MYO3B: variants seen among roughly 807,000 people sequenced by gnomAD.
MYO3B encodes myosin IIIB.
In MYO3B, 156 loss-of-function variants were observed where a neutral mutation model predicts 174.6. The observed-to-expected ratio is 0.89, with a 90% CI of 0.78 to 1.02. MYO3B has a LOEUF of 1.02. MYO3B is among the 50% of genes least tolerant of loss of function. The pLI is 0.00. For synonymous variants in MYO3B, 563 were observed against 569.1 expected (o/e 0.99, Z 0.15); for missense variants, 1,632 against 1,639.4 (o/e 1.00, Z 0.08).
chr2:170,392,478 A>G lies in MYO3B; in HGVS notation c.1774A>G (p.Ile592Val). ...FEAIQHCFRI[I>V]GFTDKEVHSV... ...AGCAATTCAGCATTGCTTCAGGATT[A>G]TAGGGTTCACGGACAAAGTAAGTGA... Residue 592 changes from isoleucine to valine, a missense_variant, in exon 16 of 35, where the codon ATA becomes GTA. Coordinates refer to ENST00000408978, the MANE Select transcript of MYO3B (RefSeq NM_138995.5). 3 of 1,576,240 alleles carry G rather than the reference A, an allele frequency of 1.9e-6. No homozygotes were observed. The highest frequency in any genetic ancestry group is 2.6e-6 in the Non-Finnish European group (3 of 1,155,238).
At chr2:170,538,255 A>G (rs905705958) in intron 30 of MYO3B, among the ~76,000 whole-genome samples, 5 of 152,238 alleles carry the variant, frequency 3.3e-5, no homozygotes, top group Non-Finnish European at 5.9e-5. Context: ...TCCAGAGTGT[A>G]TCAACCAACT....
chr2:170,427,458 T>A (rs1047016536), intron 22 of MYO3B, among the ~76,000 whole-genome samples: 3 of 152,208 alleles, frequency 2.0e-5, no homozygotes, highest in African/African-American at 7.2e-5. Context: ...CCATGAAACA[T>A]ATAAATTTCA....
intron 32 of MYO3B, among the ~76,000 whole-genome samples, chr2:170,618,316 T>C (rs1262612981): frequency 6.6e-6 from 1 of 152,154 alleles, no homozygotes; most frequent in South Asian, 2.1e-4. Context: ...TAACAGTCTG[T>C]GGCGTAACAG....
intron 8 of MYO3B, among the ~76,000 whole-genome samples, chr2:170,339,047 T>C (rs1407055399): frequency 2.6e-5 from 4 of 152,210 alleles, no homozygotes; most frequent in Admixed American, 2.0e-4. Context: ...ATTCACTGGG[T>C]TTGAAATGTC....
intron 9 of MYO3B, among the ~76,000 whole-genome samples, chr2:170,372,942 G>A: frequency 6.6e-6 from 1 of 152,130 alleles, no homozygotes; most frequent in Non-Finnish European, 1.5e-5. Flanking sequence ...GCTGGAGCTT[G>A]GCATGGGGTA....
At chr2:170,310,665 C>CAAAAAAAAAAAAAAAAAA (rs746315736) in intron 7 of MYO3B, among the ~76,000 whole-genome samples, 1 of 61,458 alleles carries the variant, frequency 1.6e-5, no homozygotes. Flanking sequence ...GACTCCATCT[C>CAAAAAAAAAAAAAAAAAA]AAAAAAAAAA....
chr2:170,554,207 A>G (rs1199166517), intron 32 of MYO3B, among the ~76,000 whole-genome samples: 5 of 152,170 alleles, frequency 3.3e-5, no homozygotes, highest in African/African-American at 9.7e-5. Context: ...GGTGCTTTGG[A>G]CATCAGTTAT....
intron 8 of MYO3B, among the ~76,000 whole-genome samples, chr2:170,362,029 C>T (rs1468046526): frequency 6.6e-6 from 1 of 152,148 alleles, no homozygotes; most frequent in African/African-American, 2.4e-5. Context: ...AACCCTGGGG[C>T]ATTACAGGGT....
intron 7 of MYO3B, chr2:170,334,824 C>T (rs1290430349): frequency 6.6e-6 from 1 of 152,194 alleles, no homozygotes; most frequent in Non-Finnish European, 1.5e-5. Flanking sequence ...TCCTTCTCTA[C>T]CCAGGAACTT....
intron 32 of MYO3B, among the ~76,000 whole-genome samples, chr2:170,545,617 A>G (rs963322915): frequency 6.6e-6 from 1 of 152,220 alleles, no homozygotes; most frequent in Non-Finnish European, 1.5e-5. Context: ...TTGTTGGATT[A>G]CAATAATCTT....
intron 32 of MYO3B, among the ~76,000 whole-genome samples, chr2:170,556,965 T>G (rs1252078491): frequency 6.6e-6 from 1 of 152,230 alleles, no homozygotes; most frequent in Non-Finnish European, 1.5e-5. Flanking sequence ...TGGTGAGGTA[T>G]CTATTCAGAT....
At chr2:170,215,498 A>AAT (rs1293755301) in intron 5 of MYO3B, among the ~76,000 whole-genome samples, 1 of 152,192 alleles carries the variant, frequency 6.6e-6, no homozygotes, top group African/African-American at 2.4e-5. Context: ...TGAGTTCAGC[A>AAT]ATAGTACTTC....
chr2:170,369,175 G>C (rs1237524904), intron 8 of MYO3B, 47 bp from the exon 9 acceptor site: 2 of 1,572,450 alleles, frequency 1.3e-6, no homozygotes, highest in Admixed American at 1.7e-5. Flanking sequence ...AGGGGAACAG[G>C]GTGTCTAAGA....
chr2:170,582,844 CT>C (rs1404267982), intron 32 of MYO3B, among the ~76,000 whole-genome samples: 3 of 152,092 alleles, frequency 2.0e-5, no homozygotes, highest in Non-Finnish European at 2.9e-5. Flanking sequence ...GGGATTTTCT[CT>C]CTCCCTCTTC....
chr2:170,622,563 T>C (rs1337311508), intron 32 of MYO3B, among the ~76,000 whole-genome samples: 1 of 147,550 alleles, frequency 6.8e-6, no homozygotes, highest in Non-Finnish European at 1.5e-5. Flanking sequence ...TACATTCTTT[T>C]ATAATATACA....
chr2:170,207,789 C>T (rs926185350), intron 3 of MYO3B, among the ~76,000 whole-genome samples: 1 of 151,904 alleles, frequency 6.6e-6, no homozygotes, highest in African/African-American at 2.4e-5. Context: ...AAGAGGAGAG[C>T]AAGGCATCCC....
At chr2:170,180,892 T>C (rs75685948) in intron 1 of MYO3B, among the ~76,000 whole-genome samples, 378 of 152,298 alleles carry the variant, frequency 2.5e-3, no homozygotes, top group African/African-American at 8.8e-3. Context: ...TTAAAACAAA[T>C]CTTAATTGTA....
chr2:170,474,663 A>G (rs997960982), intron 25 of MYO3B, among the ~76,000 whole-genome samples: 2 of 144,946 alleles, frequency 1.4e-5, no homozygotes, highest in Non-Finnish European at 3.0e-5. Context: ...GAATCACTTG[A>G]ACCTGGGAGG....
At chr2:170,640,854 A>G (rs1352063809) in intron 32 of MYO3B, 1 of 152,172 alleles carries the variant, frequency 6.6e-6, no homozygotes, top group Non-Finnish European at 1.5e-5. Context: ...TTCCATTTAC[A>G]GTGGCGAATA....
Sources: gnomAD v4.1 joint callset for allele counts (sites outside exome capture counted in the v4.1 genomes callset) on GRCh38, gnomAD v4.1.1 for gene constraint, MANE v1.5 for transcripts, NCBI Gene and HGNC (gene_info 2026-07-23, HGNC 2026-07-21) for gene names.